Variants in ERBB4 observed in about 807,000 individuals in gnomAD.
ERBB4 encodes receptor tyrosine-protein kinase erbB-4.
Under a neutral mutation model 158.0 loss-of-function variants are expected in ERBB4, and 42 were observed. That is an observed-to-expected ratio of 0.27 (90% CI 0.21 to 0.34). The LOEUF is 0.34. Among genes scored for constraint, ERBB4 ranks in the 10% least tolerant of loss-of-function variants. The pLI, the probability that ERBB4 is intolerant of heterozygous loss-of-function variation, is 1.00. For synonymous variants in ERBB4, 583 were observed against 558.7 expected (o/e 1.04, Z -0.61); for missense variants, 1,333 against 1,624.1 (o/e 0.82, Z 3.08).
chr2:211,916,642 AT>A (rs2125067420), intron 3 of ERBB4, among the ~76,000 whole-genome samples: 1 of 152,298 alleles, frequency 6.6e-6, no homozygotes, highest in African/African-American at 2.4e-5. Flanking sequence ...ATGGTTAAAA[AT>A]ATGAGGGTCT....
chr2:212,512,586 G>A (rs570531268), intron 1 of ERBB4, among the ~76,000 whole-genome samples: 1 of 152,106 alleles, frequency 6.6e-6, no homozygotes, highest in Admixed American at 6.5e-5. Flanking sequence ...GAGAAGTATG[G>A]CCTAAAGTGA....
intron 2 of ERBB4, among the ~76,000 whole-genome samples, chr2:211,991,132 T>A (rs1057391686): frequency 6.6e-6 from 1 of 152,098 alleles, no homozygotes; most frequent in African/African-American, 2.4e-5. Context: ...GATTTCATAT[T>A]AATATATTCA....
At chr2:211,587,355 A>C (rs1343265155) in intron 19 of ERBB4, among the ~76,000 whole-genome samples, 1 of 152,196 alleles carries the variant, frequency 6.6e-6, no homozygotes, top group Admixed American at 6.5e-5. Flanking sequence ...ACTGTGTCTC[A>C]ATAAATAAAA....
chr2:212,419,933 T>C (rs558081817), intron 1 of ERBB4, among the ~76,000 whole-genome samples: 1 of 152,114 alleles, frequency 6.6e-6, no homozygotes, highest in Non-Finnish European at 1.5e-5. Flanking sequence ...TTACACTATT[T>C]TCCTCAATGT....
intron 2 of ERBB4, among the ~76,000 whole-genome samples, chr2:212,034,534 C>T (rs2076971563): frequency 6.6e-6 from 1 of 151,964 alleles, no homozygotes; most frequent in African/African-American, 2.4e-5. Flanking sequence ...AATAATTTTA[C>T]TCATTGACTA....
intron 1 of ERBB4, among the ~76,000 whole-genome samples, chr2:212,496,854 C>T (rs1415993194): frequency 6.6e-6 from 1 of 152,024 alleles, no homozygotes; most frequent in Admixed American, 6.6e-5. Context: ...TTTCTTGGAC[C>T]ACAGTCAATA....
chr2:211,599,513 CTG>C (rs6147153), intron 19 of ERBB4, among the ~76,000 whole-genome samples: 6 of 140,796 alleles, frequency 4.3e-5, no homozygotes, highest in African/African-American at 1.6e-4. Flanking sequence ...ATAATTTCTT[CTG>C]TGTGTGTGTG....
intron 5 of ERBB4, among the ~76,000 whole-genome samples, chr2:211,741,110 G>T (rs770550009): frequency 2.6e-5 from 4 of 152,006 alleles, no homozygotes; most frequent in Non-Finnish European, 4.4e-5. Flanking sequence ...AAATAGTATG[G>T]CTGTCCTATT....
At chr2:212,427,629 TCCTACAAATAAATTTTATTTTCTTGTAAG>T (rs1483355289) in intron 1 of ERBB4, among the ~76,000 whole-genome samples, 1 of 152,178 alleles carries the variant, frequency 6.6e-6, no homozygotes, top group Non-Finnish European at 1.5e-5. Flanking sequence ...CACTTCCTTT[TCCTACAAATAAATTTTATTTTCTTGTAAG>T]GAGAGAAACT....
chr2:212,059,922 A>G (rs1423093355), intron 2 of ERBB4, among the ~76,000 whole-genome samples: 1 of 152,232 alleles, frequency 6.6e-6, no homozygotes. Flanking sequence ...CAATGGCAAC[A>G]AAAGCCAAAA....
chr2:211,377,244 C>T lies in ERBB4; in HGVS notation c.*6371G>A, dbSNP rs530524999. On this transcript the variant is annotated 3_prime_UTR_variant, in exon 28 of 28. Transcript: ENST00000342788. Reference sequence around the variant, plus strand: ...TGAAAACCAGATTCGTGTCAATATACAGGAGGTATGATTTGCTTTCCTTCA... The same window carrying T: ...TGAAAACCAGATTCGTGTCAATATATAGGAGGTATGATTTGCTTTCCTTCA... 69 of 232,980 alleles carry T rather than the reference C, an allele frequency of 3.0e-4. 1 individual carries two copies. Among genetic ancestry groups the T allele is most frequent in the Non-Finnish European group, 1.1e-4 (13 of 117,652 alleles). 14.4% of individuals were successfully genotyped at this position (232,980 alleles called of 1,614,324 possible).
intron 20 of ERBB4, among the ~76,000 whole-genome samples, chr2:211,528,594 G>A (rs2066413463): frequency 6.6e-6 from 1 of 151,930 alleles, no homozygotes; most frequent in South Asian, 2.1e-4. Flanking sequence ...CCTAAGGATA[G>A]ATCATATGTT....
At chr2:212,276,360 G>T (rs1316308687) in intron 1 of ERBB4, among the ~76,000 whole-genome samples, 1 of 151,770 alleles carries the variant, frequency 6.6e-6, no homozygotes, top group African/African-American at 2.4e-5. Context: ...CATCAGATTT[G>T]TAAACCCAGG....
chr2:212,258,613 GATAT>G (rs1298621323), intron 1 of ERBB4, among the ~76,000 whole-genome samples: 2 of 147,866 alleles, frequency 1.4e-5, no homozygotes, highest in Non-Finnish European at 3.0e-5. Flanking sequence ...AAATATATAA[GATAT>G]ATATAATATA....
intron 19 of ERBB4, among the ~76,000 whole-genome samples, chr2:211,570,198 C>G (rs1364824502): frequency 4.6e-5 from 7 of 152,104 alleles, no homozygotes; most frequent in Admixed American, 4.6e-4. Context: ...ATTGCCCAGG[C>G]TAGAGTGCAG....
At chr2:211,841,231 C>T (rs1026517761) in intron 3 of ERBB4, among the ~76,000 whole-genome samples, 3 of 152,114 alleles carry the variant, frequency 2.0e-5, no homozygotes, top group Admixed American at 2.0e-4. Flanking sequence ...TTATTAGTTT[C>T]CAATGTGCTA....
intron 19 of ERBB4, among the ~76,000 whole-genome samples, chr2:211,591,349 C>T (rs1010210439): frequency 2.6e-5 from 4 of 152,112 alleles, no homozygotes; most frequent in African/African-American, 9.7e-5. Flanking sequence ...ATTTTTTTCC[C>T]TACTTACCTC....
intron 1 of ERBB4, among the ~76,000 whole-genome samples, chr2:212,450,029 T>C (rs2092422338): frequency 6.6e-6 from 1 of 152,182 alleles, no homozygotes; most frequent in Non-Finnish European, 1.5e-5. Context: ...GAATGAATCA[T>C]TTAAAAAGTC....
intron 2 of ERBB4, among the ~76,000 whole-genome samples, chr2:212,049,217 ATC>A (rs2077336860): frequency 6.6e-6 from 1 of 152,186 alleles, no homozygotes; most frequent in Non-Finnish European, 1.5e-5. Flanking sequence ...TAATTATAAT[ATC>A]TCTGTTAAAT....
Sources: allele counts gnomAD v4.1 joint callset (sites outside exome capture counted in the v4.1 genomes callset), GRCh38; gene constraint gnomAD v4.1.1; transcripts MANE v1.5; gene names NCBI Gene and HGNC (gene_info 2026-07-23, HGNC 2026-07-21).